The following FBXL13 variants were observed in gnomAD, a reference collection of about 807,000 sequenced individuals.
FBXL13 encodes F-box and leucine-rich repeat protein 13.
Under a neutral mutation model 83.6 loss-of-function variants are expected in FBXL13, and 67 were observed. That is an observed-to-expected ratio of 0.80 (90% CI 0.66 to 0.98). FBXL13 has a LOEUF of 0.98. FBXL13 is among the 50% of genes least tolerant of loss of function. The pLI is 0.00. For missense variants in FBXL13, 822 were observed against 866.5 expected (o/e 0.95, Z 0.64); for synonymous variants, 272 against 299.5 (o/e 0.91, Z 0.95).
intron 1 of FBXL13, among the ~76,000 whole-genome samples, chr7:103,068,506 G>A (rs1378304473): frequency 1.3e-5 from 2 of 152,124 alleles, no homozygotes; most frequent in South Asian, 2.1e-4. Flanking sequence ...GAAAAAAACA[G>A]ACACATTACA....
intron 11 of FBXL13, among the ~76,000 whole-genome samples, chr7:102,910,892 G>A (rs1814539824): frequency 6.6e-6 from 1 of 152,092 alleles, no homozygotes; most frequent in South Asian, 2.1e-4. Flanking sequence ...CCAGGCAGCT[G>A]GGACCAGAGG....
At chr7:102,818,318 A>G (rs1798284737) in intron 19 of FBXL13, among the ~76,000 whole-genome samples, 1 of 152,254 alleles carries the variant, frequency 6.6e-6, no homozygotes, top group Admixed American at 6.5e-5. Context: ...ACCTAGGTAC[A>G]AAGTATGGCT....
At chr7:102,812,438 A>G (rs151315202), downstream of FBXL13, among the ~76,000 whole-genome samples, 9 of 152,298 alleles carry the variant, frequency 5.9e-5, no homozygotes, top group East Asian at 1.7e-3. Flanking sequence ...TTCTATTCAG[A>G]TAGTTCTTGT....
intron 16 of FBXL13, among the ~76,000 whole-genome samples, chr7:102,872,372 G>A (rs1041363325): frequency 6.6e-6 from 1 of 152,062 alleles, no homozygotes; most frequent in African/African-American, 2.4e-5. Context: ...GGAAAACAAC[G>A]TTTCAGTCTT....
At chr7:103,035,041 G>A (rs1276723841) in intron 2 of FBXL13, among the ~76,000 whole-genome samples, 3 of 152,218 alleles carry the variant, frequency 2.0e-5, no homozygotes, top group Non-Finnish European at 2.9e-5. Flanking sequence ...CTTGAAGTAT[G>A]AGTTTGAGTT....
At chr7:102,903,886 A>AT (rs1327566050) in intron 11 of FBXL13, among the ~76,000 whole-genome samples, 3 of 108,904 alleles carry the variant, frequency 2.8e-5, no homozygotes, top group Admixed American at 1.8e-4. Context: ...TTTTTTGAGG[A>AT]TTTTTGCATC....
Position 102,813,500 on chromosome 7 carries a change from G to T in FBXL13, c.2050C>A (p.Gln684Lys), listed in dbSNP as rs377759639. Residue 684 changes from glutamine (Q) to lysine (K), a missense_variant, in exon 20 of 20, where the codon CAG (glutamine) becomes AAG (lysine). By Grantham distance (53) the Gln-to-Lys change is moderately conservative. Transcript: ENST00000313221. ...TCATTAGTGTTGTATTCCTGCTGCT[G>T]AACTTTAGATGACATTCTTTGAGCT... 1.4e-4 allele frequency: 221 copies of T among 1,613,932 alleles called. No individual in the cohort carries two copies. The highest frequency in any genetic ancestry group is 1.8e-4 in the Non-Finnish European group (216 of 1,179,982).
At chr7:103,047,759 A>G (rs191324585) in intron 2 of FBXL13, among the ~76,000 whole-genome samples, 18 of 152,276 alleles carry the variant, frequency 1.2e-4, no homozygotes, top group African/African-American at 3.9e-4. Context: ...CAGAGGCACG[A>G]TCTTGCCTCA....
intron 7 of FBXL13, among the ~76,000 whole-genome samples, chr7:102,966,823 T>A (rs1826011538): frequency 6.6e-6 from 1 of 152,226 alleles, no homozygotes; most frequent in South Asian, 2.1e-4. Flanking sequence ...CACAGGAAAT[T>A]GCATGTTCAC....
chr7:103,052,209 T>G (rs1796887189), intron 2 of FBXL13, among the ~76,000 whole-genome samples: 1 of 152,138 alleles, frequency 6.6e-6, no homozygotes, highest in South Asian at 2.1e-4. Context: ...GAAAACCACA[T>G]AGGAAAGGCA....
exon 13 of FBXL13, chr7:102,883,611 G>T (rs765057088): frequency 1.1e-5 from 17 of 1,612,374 alleles, no homozygotes; most frequent in Admixed American, 3.3e-5. Context: ...AAAGAGCTCT[G>T]AAAGTACAAT....
intron 17 of FBXL13, among the ~76,000 whole-genome samples, chr7:102,843,605 T>C (rs1244299843): frequency 6.6e-6 from 1 of 151,712 alleles, no homozygotes; most frequent in Non-Finnish European, 1.5e-5. Flanking sequence ...CGAAACCCCG[T>C]CTCTACGAAA....
chr7:103,033,429 C>T (rs886197871), intron 2 of FBXL13, among the ~76,000 whole-genome samples: 5 of 152,182 alleles, frequency 3.3e-5, no homozygotes, highest in Non-Finnish European at 7.3e-5. Context: ...AATGAAGCCG[C>T]GGACCCTCGC....
chr7:102,951,467 A>T (rs1823394014), intron 8 of FBXL13, among the ~76,000 whole-genome samples: 1 of 151,812 alleles, frequency 6.6e-6, no homozygotes, highest in Non-Finnish European at 1.5e-5. Context: ...TAACCTGAAG[A>T]AACTAGAAAA....
intron 16 of FBXL13, among the ~76,000 whole-genome samples, chr7:102,859,181 A>C (rs1806458410): frequency 6.6e-6 from 1 of 152,180 alleles, no homozygotes; most frequent in African/African-American, 2.4e-5. Flanking sequence ...CAAAACGGGG[A>C]GCAAGAGATG....
intron 2 of FBXL13, among the ~76,000 whole-genome samples, chr7:103,030,803 A>C (rs1794433049): frequency 1.3e-5 from 2 of 152,156 alleles, no homozygotes; most frequent in African/African-American, 4.8e-5. Context: ...TTTCTATTCT[A>C]TTATTGAAAG....
exon 1 of FBXL13, chr7:103,074,475 G>A: frequency 1.9e-5 from 22 of 1,136,510 alleles, no homozygotes; most frequent in Non-Finnish European, 2.4e-5. Context: ...CATTCCCCAC[G>A]TGCAGCCACC....
intron 16 of FBXL13, among the ~76,000 whole-genome samples, chr7:102,860,054 A>G (rs1354349623): frequency 6.6e-6 from 1 of 152,192 alleles, no homozygotes; most frequent in African/African-American, 2.4e-5. Context: ...TATCACGTTC[A>G]TTGAGGGGCA....
At chr7:102,925,868 G>A (rs141701036) in intron 10 of FBXL13, among the ~76,000 whole-genome samples, 2 of 151,808 alleles carry the variant, frequency 1.3e-5, no homozygotes, top group East Asian at 3.9e-4. Context: ...TTGGACCCGG[G>A]AGGCGTAGGT....
Sources: gnomAD v4.1 joint callset for allele counts (sites outside exome capture counted in the v4.1 genomes callset) on GRCh38, gnomAD v4.1.1 for gene constraint, MANE v1.5 for transcripts, NCBI Gene and HGNC (gene_info 2026-07-23, HGNC 2026-07-21) for gene names.